The following CDKL2 variants were observed in gnomAD, a reference collection of about 807,000 sequenced individuals.
The protein encoded by CDKL2 is cyclin-dependent kinase-like 2.
In CDKL2, 64 loss-of-function variants were observed where a neutral mutation model predicts 63.9. The observed-to-expected ratio is 1.00, with a 90% CI of 0.82 to 1.23. CDKL2 has a LOEUF of 1.23. Among genes scored for constraint, CDKL2 ranks in the 50% most tolerant of loss-of-function variants. The probability of loss-of-function intolerance (pLI) is 0.00; values close to 1 mark genes in which losing one functional copy is unlikely to be tolerated. For missense variants in CDKL2, 656 were observed against 668.0 expected (o/e 0.98, Z 0.20); for synonymous variants, 211 against 229.2 (o/e 0.92, Z 0.72).
chr4:75,582,699 A>C (rs531794191), intron 12 of CDKL2, among the ~76,000 whole-genome samples: 1 of 152,174 alleles, frequency 6.6e-6, no homozygotes, highest in Non-Finnish European at 1.5e-5. Flanking sequence ...GGCAAACCCC[A>C]AACAGGACAG....
At chr4:75,589,454 G>A (rs899196179) in intron 12 of CDKL2, among the ~76,000 whole-genome samples, 99 of 151,156 alleles carry the variant, frequency 6.5e-4, no homozygotes, top group Non-Finnish European at 1.1e-3. Context: ...ACAGGCGCCT[G>A]CCACTACGCC....
chr4:75,597,639 G>A (rs1399989217), intron 8 of CDKL2, among the ~76,000 whole-genome samples: 1 of 152,166 alleles, frequency 6.6e-6, no homozygotes, highest in Non-Finnish European at 1.5e-5. Flanking sequence ...ACCTTATCAA[G>A]AACAGATCCT....
chr4:75,606,216 A>AT (rs33912317), intron 4 of CDKL2, among the ~76,000 whole-genome samples: 79,586 of 131,992 alleles, frequency 0.6, 22,167 homozygotes, highest in African/African-American at 0.64. Context: ...GATAGGGATA[A>AT]TTTTTTTTTT....
At position 75,596,129 on chromosome 4, in the gene CDKL2, GT is replaced by G. The variant is rs1728922193; in HGVS notation, c.1416+117del. 27 of 622,268 alleles carry G rather than the reference GT, an allele frequency of 4.3e-5. 1 individual carries two copies. In the Middle Eastern group the frequency reaches 1.5e-3, roughly 34 times the overall value. The allele number at this position is 622,268 out of a possible 1,614,324, so 38.5% of individuals were successfully genotyped here. ...TTGGGATAATATATGCACAATTAAG[GT>G]TTCACTTTATGTGTATCCAAACAAA... On this transcript the variant is annotated intron_variant, in intron 10 of 13. Transcript: ENST00000307465.
chr4:75,625,861 AT>A lies in CDKL2; in HGVS notation c.127del (p.Met43TrpfsTer13). 6.2e-7 allele frequency: 1 copy of A among 1,613,090 alleles called. No individual in the cohort carries two copies. The highest frequency in any genetic ancestry group is 8.5e-7 in the Non-Finnish European group (1 of 1,179,756). ...TTCTCGCATTGCAATCTTTTTAACC[AT>A]TTTGTCATCGTCACTTTCTAAGAAC... is the stretch of plus-strand genomic sequence containing the variant. ...KKFLESDDDKMVKKIAMREIK... is the reference protein window; with the variant it reads ...KKFLESDDDKXVKKIAMREIK... On this transcript the variant is annotated frameshift_variant, in exon 2 of 14. Transcript: ENST00000307465. LOFTEE classifies it high-confidence loss of function.
At chr4:75,624,476 A>T (rs191916688) in intron 2 of CDKL2, among the ~76,000 whole-genome samples, 1 of 150,966 alleles carries the variant, frequency 6.6e-6, no homozygotes, top group Non-Finnish European at 1.5e-5. Context: ...GCTTGAGCCC[A>T]GGAGTTCAAG....
chr4:75,600,223 T>G (rs2148881185), intron 7 of CDKL2, 58 bp downstream of exon 7: 8 of 1,082,988 alleles, frequency 7.4e-6, no homozygotes, highest in Non-Finnish European at 9.8e-6. Flanking sequence ...TTGTGACTAT[T>G]GTGGAAGACT....
intron 2 of CDKL2, 82 bp downstream of exon 2, chr4:75,625,739 T>A (rs1730368908): frequency 1.1e-6 from 1 of 944,630 alleles, no homozygotes; most frequent in Non-Finnish European, 1.6e-6. Context: ...TGAATTTGCA[T>A]ATCTAATCAT....
intron 2 of CDKL2, among the ~76,000 whole-genome samples, chr4:75,620,160 C>T (rs1730094499): frequency 6.6e-6 from 1 of 152,166 alleles, no homozygotes; most frequent in South Asian, 2.1e-4. Flanking sequence ...CACCACTGCA[C>T]TCCAGCCTGG....
At chr4:75,615,356 G>T (rs535618243) in intron 2 of CDKL2, among the ~76,000 whole-genome samples, 1 of 152,166 alleles carries the variant, frequency 6.6e-6, no homozygotes, top group Admixed American at 6.5e-5. Context: ...ATTCAAAGAT[G>T]TAAGAAATGG....
At chr4:75,602,826 TTTTTATTTTCTTATCCTAC>T (rs1729255419) in intron 6 of CDKL2, among the ~76,000 whole-genome samples, 1 of 152,084 alleles carries the variant, frequency 6.6e-6, no homozygotes, top group East Asian at 1.9e-4. Flanking sequence ...GCCCAGACCC[TTTTTATTTTCTTATCCTAC>T]TTTTATTTTC....
chr4:75,607,231 C>T lies in CDKL2; in HGVS notation c.494G>A (p.Arg165Gln). Reference sequence around the variant, plus strand: ...CAATAGTTCTGGAGCTCTGTACCATCGGGTTGCCACATAATCAGTATAAAC... The same window carrying T: ...CAATAGTTCTGGAGCTCTGTACCATTGGGTTGCCACATAATCAGTATAAAC... Reference protein sequence around the residue: ...GEVYTDYVATRWYRAPELLVG... With the variant: ...GEVYTDYVATQWYRAPELLVG... Residue 165 changes from arginine to glutamine, a missense_variant, in exon 4 of 14, where the codon CGA becomes CAA. Physicochemically the swap from Arg to Gln is conservative, Grantham distance 43. Coordinates refer to ENST00000307465, the MANE Select transcript of CDKL2 (RefSeq NM_001330724.2). 1 of 1,613,952 alleles carries T rather than the reference C, an allele frequency of 6.2e-7. No homozygotes were observed. Among genetic ancestry groups the T allele is most frequent in the Non-Finnish European group, 8.5e-7 (1 of 1,179,900 alleles).
At chr4:75,621,986 TC>T (rs1287941143) in intron 2 of CDKL2, among the ~76,000 whole-genome samples, 1 of 152,080 alleles carries the variant, frequency 6.6e-6, no homozygotes, top group Non-Finnish European at 1.5e-5. Context: ...AACACATATA[TC>T]TGATGGGTGG....
intron 12 of CDKL2, among the ~76,000 whole-genome samples, chr4:75,591,195 T>C (rs905201098): frequency 5.3e-5 from 8 of 152,202 alleles, no homozygotes; most frequent in African/African-American, 1.4e-4. Flanking sequence ...GTTTATTACT[T>C]TGGAGTTAAT....
intron 5 of CDKL2, among the ~76,000 whole-genome samples, chr4:75,604,909 G>A (rs1309464404): frequency 6.6e-6 from 1 of 152,228 alleles, no homozygotes; most frequent in Non-Finnish European, 1.5e-5. Context: ...GCCGAGGCAG[G>A]AGAATCGCTT....
intron 2 of CDKL2, among the ~76,000 whole-genome samples, chr4:75,622,674 C>T: frequency 8.1e-6 from 1 of 124,218 alleles, no homozygotes; most frequent in East Asian, 2.8e-4. Flanking sequence ...GACGAGATTG[C>T]ACCACTGTAC....
intron 13 of CDKL2, among the ~76,000 whole-genome samples, chr4:75,579,606 G>A (rs1258865085): frequency 1.3e-5 from 2 of 152,142 alleles, no homozygotes; most frequent in Non-Finnish European, 2.9e-5. Flanking sequence ...AACCCGGGAG[G>A]TGGAGGTTGC....
intron 3 of CDKL2, among the ~76,000 whole-genome samples, chr4:75,612,816 A>C (rs1268308484): frequency 3.3e-5 from 5 of 152,202 alleles, no homozygotes; most frequent in African/African-American, 9.6e-5. Context: ...TAGTCTCAAA[A>C]TTAGGTTTCT....
chr4:75,604,346 T>G (rs530877882), intron 5 of CDKL2, among the ~76,000 whole-genome samples: 1 of 152,204 alleles, frequency 6.6e-6, no homozygotes, highest in African/African-American at 2.4e-5. Context: ...TAAAGTCAGA[T>G]TTGAGCACTT....
Sources: allele counts gnomAD v4.1 joint callset (sites outside exome capture counted in the v4.1 genomes callset), GRCh38; gene constraint gnomAD v4.1.1; transcripts MANE v1.5; gene names NCBI Gene and HGNC (gene_info 2026-07-23, HGNC 2026-07-21).